The following RPH3AL variants were observed in gnomAD, a reference collection of about 807,000 sequenced individuals.
RPH3AL encodes the protein rabphilin 3A like (without C2 domains).
Under a neutral mutation model 43.1 loss-of-function variants are expected in RPH3AL, and 38 were observed. That is an observed-to-expected ratio of 0.88 (90% CI 0.68 to 1.15). The LOEUF (loss-of-function observed/expected upper bound fraction) is 1.15, where lower values mean the gene tolerates loss of function less well. Ranked by LOEUF, RPH3AL falls within the 50% of genes most tolerant of loss-of-function variation. The pLI, the probability that RPH3AL is intolerant of heterozygous loss-of-function variation, is 0.00. For missense variants in RPH3AL, 462 were observed against 423.2 expected (o/e 1.09, Z -0.81); for synonymous variants, 189 against 176.3 (o/e 1.07, Z -0.57).
At chr17:307,547 C>T (rs749764402) in intron 5 of RPH3AL, among the ~76,000 whole-genome samples, 1 of 152,216 alleles carries the variant, frequency 6.6e-6, no homozygotes, top group Non-Finnish European at 1.5e-5. Flanking sequence ...AGGGCAGGGG[C>T]TGGCATCTCT....
chr17:318,398 C>G (rs911025408), intron 5 of RPH3AL, among the ~76,000 whole-genome samples: 5 of 152,066 alleles, frequency 3.3e-5, no homozygotes, highest in Non-Finnish European at 7.4e-5. Flanking sequence ...TGGAAAAAAG[C>G]ATGACTAGCA....
intron 6 of RPH3AL, among the ~76,000 whole-genome samples, chr17:257,260 C>T (rs377489052): frequency 3.0e-3 from 49 of 16,424 alleles, no homozygotes; most frequent in South Asian, 8.2e-3. Flanking sequence ...TGAGGGGAGC[C>T]GCACGGCGTC....
chr17:346,271 T>C (rs1250967866), intron 1 of RPH3AL, among the ~76,000 whole-genome samples: 2 of 134,950 alleles, frequency 1.5e-5, no homozygotes, highest in African/African-American at 2.5e-5. Context: ...GACAGAACTA[T>C]GTGTGTTTGG....
chr17:317,140 C>T lies in RPH3AL; in HGVS notation c.351+2280G>A, dbSNP rs530972059. 4.2e-5 allele frequency among the ~76,000 whole-genome samples: 6 copies of T among 143,872 alleles called. No individual in the cohort carries two copies. In the East Asian group the frequency reaches 6.6e-4, roughly 16 times the overall value. The allele number at this position is 143,872 out of a possible 152,430, so 94.4% of individuals were successfully genotyped here. Reference sequence around the variant, plus strand: ...CTCCACCTCCACTGACGTGTAGTCCCTGTGCCCCACCTCCATTGACCTTTA... The same window carrying T: ...CTCCACCTCCACTGACGTGTAGTCCTTGTGCCCCACCTCCATTGACCTTTA... On this transcript the variant is annotated intron_variant, in intron 5 of 9. Transcript: ENST00000331302.
chr17:321,352 G>C lies in RPH3AL; in HGVS notation c.141C>G (p.Leu47=), dbSNP rs754213894. 39 of 1,611,642 alleles carry C rather than the reference G, an allele frequency of 2.4e-5. 1 individual carries two copies. The Admixed American group carries it at 5.8e-4, about 24-fold the overall frequency. ...QTEKQRRKQH[L]SPAEVEAILQ... is the part of the protein sequence containing the mutation. Reference sequence around the variant, plus strand: ...GGATGGCCTCCACCTCCGCCGGGCTGAGGTGCTGCTTCCTCCTCTGCTTCT... The same window carrying C: ...GGATGGCCTCCACCTCCGCCGGGCTCAGGTGCTGCTTCCTCCTCTGCTTCT... Residue 47 remains leucine (L), a synonymous_variant, in exon 4 of 10, where the codon CTC becomes CTG. Transcript: ENST00000331302.
chr17:250,258 G>A (rs112485685), intron 6 of RPH3AL, among the ~76,000 whole-genome samples: 8 of 115,842 alleles, frequency 6.9e-5, no homozygotes, highest in South Asian at 3.0e-4. Flanking sequence ...ACCAAGCTCC[G>A]TCGCTGCGGG....
At position 316,153 on chromosome 17, in the gene RPH3AL, CATTG is replaced by C. The variant is rs1377605062; in HGVS notation, c.351+3263_351+3266del. 1.2e-4 allele frequency among the ~76,000 whole-genome samples: 18 copies of C among 149,880 alleles called. 1 individual carries two copies. The highest frequency in any genetic ancestry group is 3.9e-4 in the East Asian group (2 of 5,076). ...ACCTGCAGTCCCTGTGCTCCACCTCCATTGACCTGTAGTCCCTGTGCTCCACCTC... is the reference window on the plus strand; with the variant it reads ...ACCTGCAGTCCCTGTGCTCCACCTCCACCTGTAGTCCCTGTGCTCCACCTC... On this transcript the variant is annotated intron_variant, in intron 5 of 9. Transcript: ENST00000331302.
chr17:332,338 C>T (rs2151717254), intron 2 of RPH3AL: 1 of 184,000 alleles, frequency 5.4e-6, no homozygotes, highest in African/African-American at 2.4e-5. Flanking sequence ...TAGGTCAAGG[C>T]TGCTGATGGG....
At chr17:338,563 G>T (rs1407711948) in intron 1 of RPH3AL, 1 of 152,198 alleles carries the variant, frequency 6.6e-6, no homozygotes, top group Non-Finnish European at 1.5e-5. Context: ...TAATACGTAG[G>T]TACCTGTGGC....
At chr17:273,040 C>CGACGTCAGGAAGAGACCCCAGCGAGGGT (rs2042539356) in intron 6 of RPH3AL, among the ~76,000 whole-genome samples, 2 of 56,852 alleles carry the variant, frequency 3.5e-5, no homozygotes, top group African/African-American at 1.3e-4. Flanking sequence ...CCAGCGAGGG[C>CGACGTCAGGAAGAGACCCCAGCGAGGGT]GACGTCAGGG....
intron 4 of RPH3AL, 26 bp downstream of exon 4, chr17:321,246 C>T (rs906232280): frequency 6.3e-7 from 1 of 1,596,620 alleles, no homozygotes; most frequent in South Asian, 1.1e-5. Context: ...TGTCCTCCCA[C>T]TGAGCTGGCC....
chr17:278,777 A>T (rs989238655), intron 6 of RPH3AL, among the ~76,000 whole-genome samples: 1 of 152,172 alleles, frequency 6.6e-6, no homozygotes, highest in African/African-American at 2.4e-5. Flanking sequence ...GGTGCTCAAT[A>T]AATGTGTCAG....
intron 5 of RPH3AL, among the ~76,000 whole-genome samples, chr17:304,417 T>C (rs1471190387): frequency 6.6e-6 from 1 of 152,148 alleles, no homozygotes; most frequent in Non-Finnish European, 1.5e-5. Flanking sequence ...TGTAAGTTAC[T>C]TTTTAAAATT....
At chr17:325,301 C>T (rs775451794) in intron 3 of RPH3AL, among the ~76,000 whole-genome samples, 4 of 152,198 alleles carry the variant, frequency 2.6e-5, no homozygotes, top group Admixed American at 1.3e-4. Flanking sequence ...CACATTATTA[C>T]GAGACAACAT....
At chr17:307,764 T>C (rs1397978509) in intron 5 of RPH3AL, among the ~76,000 whole-genome samples, 1 of 152,154 alleles carries the variant, frequency 6.6e-6, no homozygotes, top group Non-Finnish European at 1.5e-5. Flanking sequence ...TGTGCTGGGG[T>C]GAACGGAAGG....
At chr17:278,489 C>T (rs953840829) in intron 6 of RPH3AL, among the ~76,000 whole-genome samples, 1 of 152,198 alleles carries the variant, frequency 6.6e-6, no homozygotes, top group African/African-American at 2.4e-5. Flanking sequence ...CAAGCACACA[C>T]ATCTGCCTCG....
intron 1 of RPH3AL, among the ~76,000 whole-genome samples, chr17:336,869 T>G (rs1220708855): frequency 6.6e-6 from 1 of 152,170 alleles, no homozygotes; most frequent in Admixed American, 6.5e-5. Flanking sequence ...TGGTTCACGC[T>G]GTCTACCTCC....
In RPH3AL at chr17:235,720, A is replaced by G. The variant is rs111686477; in HGVS notation, c.613+11391T>C. On this transcript the variant is annotated intron_variant, in intron 7 of 9. Transcript: ENST00000331302. ...AGGTCCCGGGTTCAAAGCTGGGGTC[A>G]GCGGAGGTTCCACACTAACAAGACG... Among the ~76,000 whole-genome samples the G allele has an allele frequency of 8.6e-3, 175 of 20,386 alleles. 6 individuals are homozygous for G. Among genetic ancestry groups the G allele is most frequent in the East Asian group, 0.026 (15 of 588 alleles). 13.4% of individuals were successfully genotyped at this position (20,386 alleles called of 152,430 possible).
intron 5 of RPH3AL, among the ~76,000 whole-genome samples, chr17:296,708 C>T (rs528585482): frequency 3.9e-5 from 6 of 152,308 alleles, no homozygotes; most frequent in South Asian, 2.1e-4. Context: ...GGCTGTTCAA[C>T]GTCACGCCCG....
Sources: allele counts gnomAD v4.1 joint callset (sites outside exome capture counted in the v4.1 genomes callset), GRCh38; gene constraint gnomAD v4.1.1; transcripts MANE v1.5; gene names NCBI Gene and HGNC (gene_info 2026-07-23, HGNC 2026-07-21).